The following LARP4 variants were observed in gnomAD, a reference collection of about 807,000 sequenced individuals.
LARP4 encodes the protein la-related protein 4.
LARP4 carries 29 observed loss-of-function variants against 92.9 expected under a neutral mutation model. The ratio of observed to expected loss-of-function variants is 0.31; its 90% CI spans 0.23 to 0.43. The LOEUF is 0.43. LARP4 is among the 20% of genes least tolerant of loss of function. The pLI is 1.00. For missense variants in LARP4, 732 were observed against 860.0 expected, an observed-to-expected ratio of 0.85 and a Z score of 1.86; for synonymous variants, 279 against 284.1, an observed-to-expected ratio of 0.98 and a Z score of 0.18.
rs753354204 is a variant in LARP4, at chr12:50,475,622, G to A, written c.1933G>A (p.Val645Met). 1.2e-6 allele frequency: 2 copies of A among 1,614,112 alleles called. No individual in the cohort carries two copies. Among genetic ancestry groups the A allele is most frequent in the African/African-American group, 1.3e-5 (1 of 75,002 alleles). Residue 645 changes from valine to methionine, a missense_variant, in exon 16 of 16, where the codon GTG (valine) becomes ATG (methionine). Transcript: ENST00000398473. Reference protein sequence around the residue: ...VQPLRELRSNVVSPTKNEDNG... With the variant: ...VQPLRELRSNMVSPTKNEDNG... ...GCCACTACGGGAACTTCGCTCCAATGTGGTGTCTCCCACCAAAAATGAAGA... is the reference window on the plus strand; with the variant it reads ...GCCACTACGGGAACTTCGCTCCAATATGGTGTCTCCCACCAAAAATGAAGA...
At chr12:50,437,886 A>G in intron 6 of LARP4, 48 bp downstream of exon 6, 2 of 1,272,728 alleles carry the variant, frequency 1.6e-6, no homozygotes, top group Non-Finnish European at 2.2e-6. Context: ...GTTTAAATTA[A>G]AAGAGGTTTC....
chr12:50,466,869 TTTTTC>T, intron 12 of LARP4, 85 bp from the exon 13 acceptor site: 1 of 1,300,332 alleles, frequency 7.7e-7, no homozygotes, highest in Non-Finnish European at 1.1e-6. Flanking sequence ...TGTTTGCTTC[TTTTTC>T]TTTTCTTGCA....
intron 1 of LARP4, among the ~76,000 whole-genome samples, chr12:50,414,584 T>A (rs1187588884): frequency 2.0e-5 from 3 of 152,228 alleles, no homozygotes; most frequent in Non-Finnish European, 4.4e-5. Context: ...ATTACAGACA[T>A]GCACCACTGT....
At chr12:50,461,049 C>T in intron 10 of LARP4, 86 bp from the exon 11 acceptor site, 1 of 1,069,710 alleles carries the variant, frequency 9.3e-7, no homozygotes. Flanking sequence ...AACCCCAGTA[C>T]AACAGGAGCC....
Position 50,429,016 on chromosome 12 carries a change from C to T in LARP4, c.248C>T (p.Thr83Ile). ...TCTTGTGAAACCACAAGAAATACTA[C>T]AGGCATTGAAGAATCAACTGATGGG... ...SSSCETTRNT[T>I]GIEESTDGMI... The change falls in exon 3 of 16, where the codon ACA (threonine) becomes ATA (isoleucine). Residue 83 changes from threonine to isoleucine, a missense_variant. Physicochemically the swap from Thr to Ile is moderately conservative, Grantham distance 89. Around this residue, in one of 7 missense-constraint regions of LARP4, gnomAD observed 236 missense variants for 307.6 expected, o/e 0.77. Coordinates refer to ENST00000398473, the MANE Select transcript of LARP4 (RefSeq NM_052879.5). The T allele has an allele frequency of 6.2e-7, 1 of 1,609,924 alleles. No individual in the cohort carries two copies. Among genetic ancestry groups the T allele is most frequent in the East Asian group, 2.2e-5 (1 of 44,786 alleles).
chr12:50,475,501 G>A, intron 15 of LARP4, 25 bp from the exon 16 acceptor site: 1 of 1,505,434 alleles, frequency 6.6e-7, no homozygotes, highest in Non-Finnish European at 9.0e-7. Context: ...TACCATAAAT[G>A]TTTTTTTTTA....
intron 1 of LARP4, among the ~76,000 whole-genome samples, chr12:50,413,084 G>A (rs141699481): frequency 7.2e-5 from 11 of 152,026 alleles, no homozygotes; most frequent in African/African-American, 2.4e-4. Flanking sequence ...TTAGCCGGAC[G>A]TGGTGGTGGG....
chr12:50,444,558 C>A (rs1462214756), intron 8 of LARP4, among the ~76,000 whole-genome samples: 1 of 152,144 alleles, frequency 6.6e-6, no homozygotes, highest in Non-Finnish European at 1.5e-5. Context: ...ATACTCCAAT[C>A]CTGGTGGTGC....
chr12:50,411,244 G>A (rs1263373519), intron 1 of LARP4, among the ~76,000 whole-genome samples: 1 of 150,790 alleles, frequency 6.6e-6, no homozygotes, highest in African/African-American at 2.4e-5. Context: ...GAAGTGCAGT[G>A]GCGCAATCTT....
At chr12:50,409,944 C>T (rs1945546144) in intron 1 of LARP4, among the ~76,000 whole-genome samples, 1 of 151,660 alleles carries the variant, frequency 6.6e-6, no homozygotes, top group African/African-American at 2.4e-5. Context: ...ACACAGGTAC[C>T]ACCATGCGTG....
intron 1 of LARP4, 198 bp downstream of exon 1, chr12:50,401,226 G>A (rs914189890): frequency 1.5e-6 from 1 of 658,152 alleles, no homozygotes; most frequent in Non-Finnish European, 2.7e-6. Flanking sequence ...TGGGAGGTGA[G>A]GCCCGTAGTG....
Position 50,400,892 on chromosome 12 carries a change from T to A in LARP4, c.-119T>A. On this transcript the variant is annotated 5_prime_UTR_variant, in exon 1 of 16. Coordinates refer to ENST00000398473, the MANE Select transcript of LARP4 (RefSeq NM_052879.5). ...GGCTGACGGCAGGGGAGGAGCCGGG[T>A]CCACTGCCGGGTGGAGGGGCAAGGC... 2.9e-6 allele frequency: 4 copies of A among 1,380,338 alleles called. No individual in the cohort carries two copies. The South Asian group carries it at 4.6e-5, about 16-fold the overall frequency. 85.5% of individuals were successfully genotyped at this position (1,380,338 alleles called of 1,614,324 possible).
chr12:50,452,626 T>C (rs1953428385), intron 8 of LARP4, among the ~76,000 whole-genome samples: 2 of 152,228 alleles, frequency 1.3e-5, no homozygotes, highest in Non-Finnish European at 2.9e-5. Context: ...CCCATTTTAA[T>C]AGATGTGAGA....
intron 8 of LARP4, among the ~76,000 whole-genome samples, chr12:50,443,983 C>T (rs1274426874): frequency 6.6e-6 from 1 of 152,114 alleles, no homozygotes; most frequent in Non-Finnish European, 1.5e-5. Flanking sequence ...TTGTCCTTGA[C>T]CCTATTTTTC....
At position 50,466,943 on chromosome 12, in the gene LARP4, T is replaced by A; in HGVS notation, c.1384-16T>A. On this transcript the variant is annotated splice_polypyrimidine_tract_variant and intron_variant, in intron 12 of 15. Transcript: ENST00000398473. ...GAGATAGCCATGTGACCTGTTTTAT[T>A]ATTTGTTCATTTTAGAGACCTCATC... 6.3e-7 allele frequency: 1 copy of A among 1,598,560 alleles called. No individual in the cohort carries two copies. Among genetic ancestry groups the A allele is most frequent in the Non-Finnish European group, 8.6e-7 (1 of 1,168,702 alleles).
At chr12:50,431,455 A>G (rs914802298) in intron 4 of LARP4, among the ~76,000 whole-genome samples, 3 of 152,210 alleles carry the variant, frequency 2.0e-5, no homozygotes, top group African/African-American at 7.2e-5. Flanking sequence ...CATTTTTGGC[A>G]AAATAGTAAG....
chr12:50,417,471 T>C (rs1947029109), intron 1 of LARP4, among the ~76,000 whole-genome samples: 1 of 152,158 alleles, frequency 6.6e-6, no homozygotes, highest in Non-Finnish European at 1.5e-5. Flanking sequence ...ACTAGTTGTC[T>C]TCCTCCCTGA....
At position 50,429,081 on chromosome 12, in the gene LARP4, G is replaced by A. The variant is rs558066547; in HGVS notation, c.313G>A (p.Asp105Asn). Reference protein sequence around the residue: ...GPEDLSYQIYDVSGESNSAVS... With the variant: ...GPEDLSYQIYNVSGESNSAVS... The stretch of plus-strand genomic sequence containing the variant: ...AGAAGATCTGAGTTACCAAATATAT[G>A]ATGTTTCCGGTAAACTTTATGGTTT... The change falls in exon 3 of 16, where the codon GAT becomes AAT. Residue 105 changes from aspartate (D) to asparagine (N), a missense_variant. Physicochemically the swap from Asp to Asn is conservative, Grantham distance 23. Around this residue, in one of 7 missense-constraint regions of LARP4, gnomAD observed 236 missense variants for 307.6 expected, o/e 0.77. Coordinates refer to ENST00000398473, the MANE Select transcript of LARP4 (RefSeq NM_052879.5). 2 of 1,611,446 alleles carry A rather than the reference G, an allele frequency of 1.2e-6. No homozygotes were observed. The highest frequency in any genetic ancestry group is 1.7e-5 in the Admixed American group (1 of 59,796).
At chr12:50,461,948 A>T (rs1955455002) in intron 11 of LARP4, among the ~76,000 whole-genome samples, 1 of 151,746 alleles carries the variant, frequency 6.6e-6, no homozygotes, top group Non-Finnish European at 1.5e-5. Flanking sequence ...ACAGAGCGCG[A>T]CTCTGTCTCA....
Sources: gnomAD v4.1 joint callset for allele counts (sites outside exome capture counted in the v4.1 genomes callset) on GRCh38, gnomAD v4.1.1 for gene constraint, gnomAD v4.1.1 regional missense constraint, MANE v1.5 for transcripts, NCBI Gene and HGNC (gene_info 2026-07-23, HGNC 2026-07-21) for gene names.